Variants in TYW1 observed in about 807,000 individuals in gnomAD.
TYW1 encodes S-adenosyl-L-methionine-dependent tRNA 4-demethylwyosine synthase TYW1.
Under a neutral mutation model 96.2 loss-of-function variants are expected in TYW1, and 46 were observed. That is an observed-to-expected ratio of 0.48 (90% CI 0.38 to 0.61). The LOEUF is 0.61. TYW1 is among the 20% of genes least tolerant of loss of function. The pLI is 0.00. For missense variants in TYW1, 684 were observed against 909.6 expected, an observed-to-expected ratio of 0.75 and a Z score of 3.19; for synonymous variants, 274 against 323.0, an observed-to-expected ratio of 0.85 and a Z score of 1.63.
At chr7:67,009,012 A>G (rs990020775) in intron 3 of TYW1, among the ~76,000 whole-genome samples, 9 of 151,872 alleles carry the variant, frequency 5.9e-5, no homozygotes, top group African/African-American at 2.2e-4. Context: ...GTTTTTTAAT[A>G]TGTTATTTTC....
At chr7:67,179,992 AG>A (rs1408928836) in intron 13 of TYW1, among the ~76,000 whole-genome samples, 1 of 127,158 alleles carries the variant, frequency 7.9e-6, no homozygotes, top group East Asian at 2.0e-4. Context: ...AGCCATGCCC[AG>A]CTGTTGTATT....
chr7:67,095,965 C>T (rs1170316204), intron 11 of TYW1, among the ~76,000 whole-genome samples: 2 of 152,178 alleles, frequency 1.3e-5, no homozygotes, highest in African/African-American at 4.8e-5. Flanking sequence ...GTGGTAATAG[C>T]AAATCGTTAA....
rs755186845 is a variant in TYW1, at chr7:67,014,402, G to A, written c.411G>A (p.Ala137=). Residue 137 remains alanine, a synonymous_variant, in exon 5 of 16, where the codon GCG becomes GCA. Transcript: ENST00000359626. Reference sequence around the variant, plus strand: ...AAAATGTCTGTGTCTTCCTGGTTGCGACATACACTGACGGCCTACCAACTG... The same window carrying A: ...AAAATGTCTGTGTCTTCCTGGTTGCAACATACACTGACGGCCTACCAACTG... The part of the protein sequence containing the change: ...TSKNVCVFLV[A]TYTDGLPTES... The A allele has an allele frequency of 9.3e-6, 15 of 1,613,154 alleles. No individual in the cohort carries two copies. Among genetic ancestry groups the A allele is most frequent in the African/African-American group, 6.7e-5 (5 of 74,868 alleles).
chr7:67,021,822 A>G (rs1794289597), intron 6 of TYW1, among the ~76,000 whole-genome samples: 1 of 152,220 alleles, frequency 6.6e-6, no homozygotes, highest in African/African-American at 2.4e-5. Flanking sequence ...TCTCGACATG[A>G]GTCTTTCCAT....
intron 13 of TYW1, among the ~76,000 whole-genome samples, chr7:67,137,137 A>G (rs1332861122): frequency 1.3e-5 from 2 of 151,818 alleles, no homozygotes; most frequent in African/African-American, 2.4e-5. Context: ...TTCCTACAGG[A>G]TTTTTGGTTG....
intron 14 of TYW1, among the ~76,000 whole-genome samples, chr7:67,184,056 C>T (rs776478591): frequency 1.5e-4 from 23 of 152,220 alleles, no homozygotes; most frequent in African/African-American, 4.1e-4. Context: ...TGGCCTCAAG[C>T]GACCTTCCTA....
chr7:67,234,829 G>T (rs1801835577), intron 15 of TYW1, among the ~76,000 whole-genome samples: 1 of 152,086 alleles, frequency 6.6e-6, no homozygotes, highest in Non-Finnish European at 1.5e-5. Flanking sequence ...TTTGTGAGTT[G>T]CAGCCAGCAG....
rs1241213574 is a variant in TYW1, at chr7:67,029,415, G to GTGTA, written c.984+4394_984+4395insGTAT. Among the ~76,000 whole-genome samples the GTGTA allele has an allele frequency of 1.8e-3, 166 of 94,352 alleles. 1 individual carries two copies. Among genetic ancestry groups the GTGTA allele is most frequent in the African/African-American group, 5.4e-3 (148 of 27,484 alleles). The allele number at this position is 94,352 out of a possible 152,430, so 61.9% of individuals were successfully genotyped here. The stretch of plus-strand genomic sequence containing the variant: ...TGTGTGTGTGTGTGTGTGTGTGTGT[G>GTGTA]TATATATATATATATATAAATAGTA... On this transcript the variant is annotated intron_variant, in intron 7 of 15. Transcript: ENST00000359626.
In TYW1 at chr7:67,222,857, G is replaced by A. The variant is rs186415189; in HGVS notation, c.1978-15451G>A. 6.3e-5 allele frequency among the ~76,000 whole-genome samples: 7 copies of A among 110,826 alleles called. No homozygotes were observed. In the East Asian group the frequency reaches 1.5e-3, roughly 24 times the overall value. 72.7% of individuals were successfully genotyped at this position (110,826 alleles called of 152,430 possible). A position where few individuals can be genotyped will look rare whatever the true frequency, so the allele number is the denominator to read the frequency against. On this transcript the variant is annotated intron_variant, in intron 15 of 15. Transcript: ENST00000359626. ...GTTCATGGTCCCTTAATCTCTGTTC[G>A]CTTTTTTTCTTTTTTTTTTTTTTTT...
chr7:67,040,251 C>G (rs1794974124), intron 7 of TYW1, among the ~76,000 whole-genome samples: 1 of 152,158 alleles, frequency 6.6e-6, no homozygotes, highest in Non-Finnish European at 1.5e-5. Flanking sequence ...CCTGGCCTTG[C>G]TTAAACATTT....
At chr7:67,125,317 A>G (rs1797880920) in intron 13 of TYW1, among the ~76,000 whole-genome samples, 4 of 151,122 alleles carry the variant, frequency 2.6e-5, no homozygotes, top group Admixed American at 2.6e-4. Flanking sequence ...AAGTGTTGTT[A>G]TTATTATTTT....
At chr7:67,077,052 G>A (rs1461466165) in intron 10 of TYW1, among the ~76,000 whole-genome samples, 2 of 152,172 alleles carry the variant, frequency 1.3e-5, no homozygotes, top group African/African-American at 4.8e-5. Flanking sequence ...GGGATTACAG[G>A]CGTGACCCAC....
chr7:67,214,720 ATT>A (rs1253897028), intron 15 of TYW1, among the ~76,000 whole-genome samples: 1 of 150,158 alleles, frequency 6.7e-6, no homozygotes, highest in African/African-American at 2.5e-5. Context: ...ATCAGTTACA[ATT>A]TTGTCAAATT....
intron 8 of TYW1, among the ~76,000 whole-genome samples, chr7:67,050,983 C>T (rs1006487752): frequency 6.6e-6 from 1 of 151,996 alleles, no homozygotes; most frequent in African/African-American, 2.4e-5. Context: ...CCTCTGCCTC[C>T]TGGGTTCAAG....
intron 15 of TYW1, among the ~76,000 whole-genome samples, chr7:67,221,550 A>G (rs946519428): frequency 6.6e-6 from 1 of 152,182 alleles, no homozygotes; most frequent in African/African-American, 2.4e-5. Context: ...TATGCCTTAC[A>G]GCTTTTTTGT....
chr7:67,131,395 C>T (rs573344963), intron 13 of TYW1, among the ~76,000 whole-genome samples: 1 of 152,254 alleles, frequency 6.6e-6, no homozygotes, highest in South Asian at 2.1e-4. Context: ...GTAAGTACCA[C>T]TATAACTATA....
chr7:67,209,984 C>T (rs1800945354), intron 15 of TYW1, among the ~76,000 whole-genome samples: 1 of 152,096 alleles, frequency 6.6e-6, no homozygotes, highest in Non-Finnish European at 1.5e-5. Context: ...CTATTAGCAT[C>T]TTACGTTGGT....
At chr7:67,009,333 C>T (rs1377336942) in intron 3 of TYW1, among the ~76,000 whole-genome samples, 1 of 152,172 alleles carries the variant, frequency 6.6e-6, no homozygotes, top group African/African-American at 2.4e-5. Flanking sequence ...GCAGATTGAT[C>T]ATCCAAAGCC....
intron 7 of TYW1, among the ~76,000 whole-genome samples, chr7:67,035,107 A>C (rs1044476790): frequency 6.7e-6 from 1 of 150,248 alleles, no homozygotes; most frequent in Non-Finnish European, 1.5e-5. Flanking sequence ...TTTTCTTTTC[A>C]TGTGAAACAT....
Sources: gnomAD v4.1 joint callset for allele counts (sites outside exome capture counted in the v4.1 genomes callset) on GRCh38, gnomAD v4.1.1 for gene constraint, MANE v1.5 for transcripts, NCBI Gene and HGNC (gene_info 2026-07-23, HGNC 2026-07-21) for gene names.